Variants in ADAMTS12 observed in about 807,000 individuals in gnomAD.
The protein encoded by ADAMTS12 is ADAM metallopeptidase with thrombospondin type 1 motif 12.
ADAMTS12 carries 118 observed loss-of-function variants against 167.8 expected under a neutral mutation model. That is an observed-to-expected ratio of 0.70 (90% CI 0.61 to 0.82). ADAMTS12 has a LOEUF of 0.82. ADAMTS12 is among the 40% of genes least tolerant of loss of function. The pLI, the probability that ADAMTS12 is intolerant of heterozygous loss-of-function variation, is 0.00. For missense variants in ADAMTS12, 1,916 were observed against 1,998.8 expected, an observed-to-expected ratio of 0.96 and a Z score of 0.79; for synonymous variants, 704 against 716.9, an observed-to-expected ratio of 0.98 and a Z score of 0.29.
chr5:33,827,513 G>A (rs1748124189), intron 2 of ADAMTS12, among the ~76,000 whole-genome samples: 1 of 152,036 alleles, frequency 6.6e-6, no homozygotes, highest in Non-Finnish European at 1.5e-5. Context: ...CTAATAAACA[G>A]GTATTGTTCC....
At chr5:33,869,665 C>T (rs554026638) in intron 2 of ADAMTS12, among the ~76,000 whole-genome samples, 1 of 152,072 alleles carries the variant, frequency 6.6e-6, no homozygotes, top group Non-Finnish European at 1.5e-5. Flanking sequence ...AGATCACATG[C>T]TTCAAAGGCA....
chr5:33,806,984 C>T lies in ADAMTS12; in HGVS notation c.490-55436G>A, dbSNP rs147596718. Among the ~76,000 whole-genome samples, 4 of 152,258 alleles carry T rather than the reference C, an allele frequency of 2.6e-5. No individual in the cohort carries two copies. In the East Asian group the frequency reaches 5.8e-4, roughly 22 times the overall value. Reference sequence around the variant, plus strand: ...GATAGGTTAAAACTGCAGACCTACTCGTGTCATACCCCTGTTAAAACCCAT... The same window carrying T: ...GATAGGTTAAAACTGCAGACCTACTTGTGTCATACCCCTGTTAAAACCCAT... On this transcript the variant is annotated intron_variant, in intron 2 of 23. Transcript: ENST00000504830.
chr5:33,788,982 T>A (rs2112453690), intron 2 of ADAMTS12, among the ~76,000 whole-genome samples: 1 of 152,290 alleles, frequency 6.6e-6, no homozygotes, highest in East Asian at 1.9e-4. Flanking sequence ...AGAATCTCCC[T>A]AACAGTGAAA....
intron 1 of ADAMTS12, among the ~76,000 whole-genome samples, chr5:33,883,856 G>A (rs1207796467): frequency 6.6e-6 from 1 of 152,170 alleles, no homozygotes; most frequent in African/African-American, 2.4e-5. Flanking sequence ...CCTAAGAAAT[G>A]TCTGCTCCAA....
chr5:33,850,501 A>T (rs1749182941), intron 2 of ADAMTS12, among the ~76,000 whole-genome samples: 1 of 152,176 alleles, frequency 6.6e-6, no homozygotes, highest in Admixed American at 6.5e-5. Flanking sequence ...TAATGACTGA[A>T]ATCTGCCTAC....
At chr5:33,652,453 C>T (rs1013059400) in intron 7 of ADAMTS12, among the ~76,000 whole-genome samples, 1 of 151,966 alleles carries the variant, frequency 6.6e-6, no homozygotes, top group African/African-American at 2.4e-5. Flanking sequence ...TGTTCTTATC[C>T]TATTCCTACT....
At chr5:33,664,411 C>T (rs868302823) in intron 5 of ADAMTS12, among the ~76,000 whole-genome samples, 2 of 152,004 alleles carry the variant, frequency 1.3e-5, no homozygotes, top group Admixed American at 6.6e-5. Context: ...AAAAGCAATT[C>T]ACTGAAGGAA....
intron 2 of ADAMTS12, among the ~76,000 whole-genome samples, chr5:33,766,188 T>C (rs1745525812): frequency 6.6e-6 from 1 of 152,116 alleles, no homozygotes; most frequent in Admixed American, 6.6e-5. Context: ...TACTTTACAG[T>C]GAGGAAACAT....
rs1047466661 is a variant in ADAMTS12, at chr5:33,523,591, T to G, written c.*3597A>C. 2 of 152,166 alleles carry G rather than the reference T, an allele frequency of 1.3e-5. No homozygotes were observed. Among genetic ancestry groups the G allele is most frequent in the Admixed American group, 1.3e-4 (2 of 15,268 alleles). 9.4% of individuals were successfully genotyped at this position (152,166 alleles called of 1,614,324 possible). A position where few individuals can be genotyped will look rare whatever the true frequency, so the allele number is the denominator to read the frequency against. On this transcript the variant is annotated 3_prime_UTR_variant, in exon 24 of 24. Transcript: ENST00000504830. ...GGGAGGTTATGATTACAGTCTGGTT[T>G]TAAGTACTGAAATATCCACCAAGGT...
intron 7 of ADAMTS12, among the ~76,000 whole-genome samples, chr5:33,654,874 T>TTGTGTGTGTGTGTGTGTGTG (rs34219097): frequency 7.1e-5 from 10 of 141,668 alleles, no homozygotes; most frequent in African/African-American, 2.6e-4. Flanking sequence ...GTGGGTGATT[T>TTGTGTGTGTGTGTGTGTGTG]TGTGTGTGTG....
At chr5:33,727,302 T>C (rs1465344118) in intron 3 of ADAMTS12, among the ~76,000 whole-genome samples, 1 of 152,080 alleles carries the variant, frequency 6.6e-6, no homozygotes, top group Non-Finnish European at 1.5e-5. Context: ...TTCTCAGTTA[T>C]TCAAGAGAGG....
At chr5:33,832,095 T>A (rs1748322092) in intron 2 of ADAMTS12, among the ~76,000 whole-genome samples, 1 of 152,228 alleles carries the variant, frequency 6.6e-6, no homozygotes, top group Non-Finnish European at 1.5e-5. Context: ...CTGTCGTTCA[T>A]GAACCATTGC....
intron 2 of ADAMTS12, among the ~76,000 whole-genome samples, chr5:33,831,140 A>G (rs1381869350): frequency 6.6e-6 from 1 of 152,230 alleles, no homozygotes; most frequent in African/African-American, 2.4e-5. Context: ...GGCAAAAACA[A>G]TAGAGAATAT....
chr5:33,890,228 C>T (rs1750793284), intron 1 of ADAMTS12, among the ~76,000 whole-genome samples: 1 of 152,214 alleles, frequency 6.6e-6, no homozygotes, highest in African/African-American at 2.4e-5. Flanking sequence ...ACGAAATCAT[C>T]TCCAAATGCC....
intron 3 of ADAMTS12, among the ~76,000 whole-genome samples, chr5:33,742,977 G>A (rs974054457): frequency 6.6e-6 from 1 of 152,218 alleles, no homozygotes; most frequent in Admixed American, 6.5e-5. Context: ...TAGGATAAAG[G>A]GCTTACAAAG....
intron 2 of ADAMTS12, among the ~76,000 whole-genome samples, chr5:33,813,206 C>T (rs1371511863): frequency 6.6e-6 from 1 of 152,212 alleles, no homozygotes; most frequent in Admixed American, 6.5e-5. Flanking sequence ...TATTGCTCTG[C>T]ATCCTCCCCA....
chr5:33,578,736 A>T (rs1176651630), intron 18 of ADAMTS12, among the ~76,000 whole-genome samples: 3 of 152,208 alleles, frequency 2.0e-5, no homozygotes, highest in African/African-American at 7.2e-5. Context: ...ATTTTGTTTC[A>T]ATCAAACATA....
At chr5:33,878,123 C>T (rs1173712877) in intron 2 of ADAMTS12, among the ~76,000 whole-genome samples, 1 of 152,288 alleles carries the variant, frequency 6.6e-6, no homozygotes, top group Non-Finnish European at 1.5e-5. Flanking sequence ...ACCCTAGACA[C>T]GTGATCAGAA....
At chr5:33,679,757 C>A (rs529389776) in intron 5 of ADAMTS12, among the ~76,000 whole-genome samples, 1 of 152,294 alleles carries the variant, frequency 6.6e-6, no homozygotes, top group East Asian at 1.9e-4. Flanking sequence ...GACTTGTGTT[C>A]ACATTTTCAT....
Sources: gnomAD v4.1 joint callset for allele counts (sites outside exome capture counted in the v4.1 genomes callset) on GRCh38, gnomAD v4.1.1 for gene constraint, MANE v1.5 for transcripts, NCBI Gene and HGNC (gene_info 2026-07-23, HGNC 2026-07-21) for gene names.